NDUFA10: variants seen among roughly 807,000 people sequenced by gnomAD.
NDUFA10 encodes NADH dehydrogenase [ubiquinone] 1 alpha subcomplex subunit 10, mitochondrial.
A neutral mutation model predicts 47.8 loss-of-function variants in NDUFA10; 40 were observed. That is an observed-to-expected ratio of 0.84 (90% CI 0.65 to 1.09). The LOEUF is 1.09. NDUFA10 is among the 50% of genes least tolerant of loss of function. The pLI is 0.00. For synonymous variants in NDUFA10, 183 were observed against 172.2 expected (o/e 1.06, Z -0.49); for missense variants, 413 against 451.1 (o/e 0.92, Z 0.76).
chr2:239,983,926 AG>A (rs1282423621), intron 9 of NDUFA10, among the ~76,000 whole-genome samples: 2 of 152,192 alleles, frequency 1.3e-5, no homozygotes, highest in Non-Finnish European at 2.9e-5. Flanking sequence ...AATAATTCAA[AG>A]TGTGGGCTTT....
chr2:240,002,535 T>G (rs2106465848), intron 8 of NDUFA10, among the ~76,000 whole-genome samples: 1 of 152,204 alleles, frequency 6.6e-6, no homozygotes, highest in Non-Finnish European at 1.5e-5. Flanking sequence ...GTTTTTTCCT[T>G]CAATACACAT....
intron 4 of NDUFA10, among the ~76,000 whole-genome samples, chr2:239,918,945 C>G (rs1233842746): frequency 6.6e-6 from 1 of 152,240 alleles, no homozygotes; most frequent in African/African-American, 2.4e-5. Flanking sequence ...TTCCCATCCC[C>G]ACTCACAGCA....
chr2:239,968,080 T>C (rs576866066), intron 9 of NDUFA10, among the ~76,000 whole-genome samples: 1 of 151,926 alleles, frequency 6.6e-6, no homozygotes, highest in African/African-American at 2.4e-5. Context: ...TTGAGAGAGA[T>C]GAACGAAGCC....
chr2:239,910,382 G>A (rs1402967872), intron 4 of NDUFA10, among the ~76,000 whole-genome samples: 1 of 152,198 alleles, frequency 6.6e-6, no homozygotes, highest in Non-Finnish European at 1.5e-5. Context: ...ATACTATGCA[G>A]CCATAAAAAG....
chr2:239,900,307 C>G (rs1313152797), intron 4 of NDUFA10, among the ~76,000 whole-genome samples: 1 of 106,074 alleles, frequency 9.4e-6, no homozygotes, highest in East Asian at 2.9e-4. Context: ...CCTTAATGAA[C>G]TCCCCTTCAT....
At chr2:239,993,056 G>A (rs548058217) in intron 8 of NDUFA10, among the ~76,000 whole-genome samples, 32 of 152,220 alleles carry the variant, frequency 2.1e-4, no homozygotes, top group Admixed American at 7.8e-4. Context: ...AAAATACCAG[G>A]AGAAAAAAGG....
intron 5 of NDUFA10, chr2:240,012,591 G>A (rs903671552): frequency 6.6e-6 from 1 of 152,044 alleles, no homozygotes; most frequent in South Asian, 2.1e-4. Flanking sequence ...GCAACAACTT[G>A]GTAAATTTAC....
rs532603344 is a variant in NDUFA10 at position 240,011,380 on chromosome 2, A to T, written c.749+237T>A. The stretch of plus-strand genomic sequence containing the variant: ...ACTTCTAGCATCAAAAAACTTCAGA[A>T]ATATAGCAGAGCAAAAGTACTGACA... On this transcript the variant is annotated intron_variant, in intron 6 of 9. Coordinates refer to ENST00000252711, the MANE Select transcript of NDUFA10 (RefSeq NM_004544.4). Among the ~76,000 whole-genome samples the T allele has an allele frequency of 5.9e-5, 9 of 152,372 alleles. No individual in the cohort carries two copies. In the East Asian group the frequency reaches 1.7e-3, roughly 29 times the overall value.
intron 4 of NDUFA10, among the ~76,000 whole-genome samples, chr2:239,908,824 AGCCATCGTGGCACCT>A (rs1489116106): frequency 6.6e-6 from 1 of 152,160 alleles, no homozygotes; most frequent in Non-Finnish European, 1.5e-5. Context: ...ACACCACGAC[AGCCATCGTGGCACCT>A]GCACCTACCT....
intron 6 of NDUFA10, among the ~76,000 whole-genome samples, chr2:240,009,103 CT>C (rs936096942): frequency 3.3e-5 from 5 of 152,214 alleles, no homozygotes; most frequent in African/African-American, 1.2e-4. Context: ...AGCTGTATTA[CT>C]GAACCCCCAA....
In NDUFA10 at chr2:239,983,220, C is replaced by T. The variant is rs114254877; in HGVS notation, c.999+6854G>A. ...GAAGCCAATCTAGAAAGCAGCTCTG[C>T]AACCCATGCAGAGAGCCTTTTGTGA... On this transcript the variant is annotated intron_variant, in intron 9 of 9. Coordinates refer to ENST00000252711, the MANE Select transcript of NDUFA10 (RefSeq NM_004544.4). Among the ~76,000 whole-genome samples, 606 of 152,258 alleles carry T rather than the reference C, an allele frequency of 4.0e-3. 5 individuals are homozygous for T. Among genetic ancestry groups the T allele is most frequent in the African/African-American group, 0.014 (579 of 41,552 alleles).
intron 4 of NDUFA10, among the ~76,000 whole-genome samples, chr2:239,910,368 T>C (rs13398402): frequency 0.22 from 33,706 of 152,134 alleles, 3,930 homozygotes; most frequent in African/African-American, 0.29. Flanking sequence ...ATATACACCA[T>C]GGAATACTAT....
At position 239,895,490 on chromosome 2, in the gene NDUFA10, T is replaced by C. The variant is rs146195238; in HGVS notation, c.295-176A>G. 1.7e-3 allele frequency among the ~76,000 whole-genome samples: 262 copies of C among 152,314 alleles called. 2 individuals carry two copies. The highest frequency in any genetic ancestry group is 5.4e-3 in the African/African-American group (225 of 41,576). On this transcript the variant is annotated intron_variant, in intron 4 of 5. Coordinates refer to the NDUFA10 transcript ENST00000419408. ...AAAATGAAAACACACAGTCCCTTGTTCACAAAACAGGGAAAACTGCTCTTA... is the reference window on the plus strand; with the variant it reads ...AAAATGAAAACACACAGTCCCTTGTCCACAAAACAGGGAAAACTGCTCTTA...
Position 239,959,012 on chromosome 2 carries a change from C to T in NDUFA10, c.*2106G>A. ...CTGCTCTGAAATAAGGAAATCGGGG[C>T]ATCTCCTCACCTCTTCTTGAGGCTT... On this transcript the variant is annotated 3_prime_UTR_variant, in exon 10 of 10. Coordinates refer to ENST00000252711, the MANE Select transcript of NDUFA10 (RefSeq NM_004544.4). The T allele has an allele frequency of 1.0e-6, 1 of 985,454 alleles. No individual in the cohort carries two copies. Among genetic ancestry groups the T allele is most frequent in the African/African-American group, 1.7e-5 (1 of 57,362 alleles). 61.0% of individuals were successfully genotyped at this position (985,454 alleles called of 1,614,324 possible).
At chr2:239,983,729 T>A (rs6716293) in intron 9 of NDUFA10, 17 of 1,556,910 alleles carry the variant, frequency 1.1e-5, no homozygotes, top group Middle Eastern at 1.7e-4. Flanking sequence ...TAGAGAAACA[T>A]CGGGCAACCC....
At chr2:239,973,822 G>A (rs1402515167) in intron 9 of NDUFA10, among the ~76,000 whole-genome samples, 3 of 152,102 alleles carry the variant, frequency 2.0e-5, no homozygotes, top group Non-Finnish European at 4.4e-5. Context: ...GGTCAATTCC[G>A]GGCACAAAAT....
intron 3 of NDUFA10, among the ~76,000 whole-genome samples, chr2:240,020,714 TC>T (rs538790815): frequency 3.5e-4 from 54 of 152,162 alleles, no homozygotes; most frequent in Admixed American, 3.0e-3. Flanking sequence ...GTGTTCTGCC[TC>T]CCCCCGTCAT....
chr2:239,955,421 T>G (rs991205430), downstream of NDUFA10, among the ~76,000 whole-genome samples: 2 of 152,196 alleles, frequency 1.3e-5, no homozygotes, highest in Non-Finnish European at 2.9e-5. Flanking sequence ...GATTCTGTGT[T>G]GTTCTGAGCT....
intron 8 of NDUFA10, among the ~76,000 whole-genome samples, chr2:239,997,385 GAAGTT>G (rs1486539538): frequency 2.6e-5 from 4 of 152,162 alleles, no homozygotes; most frequent in Admixed American, 2.0e-4. Context: ...AATATAAATT[GAAGTT>G]TAGTGTTTAT....
Sources: gnomAD v4.1 joint callset for allele counts (sites outside exome capture counted in the v4.1 genomes callset) on GRCh38, gnomAD v4.1.1 for gene constraint, MANE v1.5 for transcripts, NCBI Gene and HGNC (gene_info 2026-07-23, HGNC 2026-07-21) for gene names.